CNNM2: variants seen among roughly 807,000 people sequenced by gnomAD.
CNNM2 encodes the protein metal transporter CNNM2.
CNNM2 carries 12 observed loss-of-function variants against 66.9 expected under a neutral mutation model. The ratio of observed to expected loss-of-function variants is 0.18; its 90% CI spans 0.11 to 0.29. The LOEUF (loss-of-function observed/expected upper bound fraction) is 0.29, where lower values mean the gene tolerates loss of function less well. Among genes scored for constraint, CNNM2 ranks in the 10% least tolerant of loss-of-function variants. CNNM2 has a pLI of 1.00. For synonymous variants in CNNM2, 557 were observed against 501.8 expected (o/e 1.11, Z -1.47); for missense variants, 705 against 1,167.7 (o/e 0.60, Z 5.77).
intron 1 of CNNM2, among the ~76,000 whole-genome samples, chr10:103,003,633 G>A (rs1398446206): frequency 6.6e-6 from 1 of 151,882 alleles, no homozygotes; most frequent in Admixed American, 6.6e-5. Context: ...AGACCAGCCT[G>A]GCTAACATGG....
chr10:103,076,055 T>G, intron 6 of CNNM2, 31 bp from the exon 7 acceptor site: 1 of 1,587,570 alleles, frequency 6.3e-7, no homozygotes, highest in Non-Finnish European at 8.6e-7. Flanking sequence ...CTACTTCACT[T>G]AAACAGTTGG....
At chr10:102,976,239 G>A (rs946266046) in intron 1 of CNNM2, among the ~76,000 whole-genome samples, 22 of 152,198 alleles carry the variant, frequency 1.4e-4, no homozygotes, top group Admixed American at 1.4e-3. Flanking sequence ...AGAAGAGAAA[G>A]CAAAGTGAAT....
Position 103,084,073 on chromosome 10 carries a change from C to T in CNNM2, c.*6893C>T, listed in dbSNP as rs2065781016. ...TCTTACCCTCATCACTCACATGAGA[C>T]CAGTCCCTGAAGAACTTACGGTGGA... On this transcript the variant is annotated 3_prime_UTR_variant, in exon 8 of 8. Transcript: ENST00000369878. 1 of 152,206 alleles carries T rather than the reference C, an allele frequency of 6.6e-6. No homozygotes were observed. Among genetic ancestry groups the T allele is most frequent in the South Asian group, 2.1e-4 (1 of 4,828 alleles). 9.4% of individuals were successfully genotyped at this position (152,206 alleles called of 1,614,324 possible).
rs1220041070 is a variant in CNNM2 at position 103,077,391 on chromosome 10, T to C, written c.*211T>C. On this transcript the variant is annotated 3_prime_UTR_variant, in exon 8 of 8. Transcript: ENST00000369878. ...AGATGTGAAGTTGGCAGCCGGGGCA[T>C]GGCGTTCAAGATTTTGGAGATGAAC... The C allele has an allele frequency of 1.9e-6, 1 of 534,440 alleles. No homozygotes were observed. The allele number at this position is 534,440 out of a possible 1,614,324, so 33.1% of individuals were successfully genotyped here.
chr10:103,067,255 A>C (rs931360923), intron 4 of CNNM2, among the ~76,000 whole-genome samples: 1 of 151,828 alleles, frequency 6.6e-6, no homozygotes, highest in African/African-American at 2.4e-5. Flanking sequence ...TTTTGTAGAG[A>C]TGGGGTCTTG....
intron 1 of CNNM2, among the ~76,000 whole-genome samples, chr10:102,972,543 A>G (rs2063561811): frequency 6.6e-6 from 1 of 152,202 alleles, no homozygotes; most frequent in Admixed American, 6.5e-5. Flanking sequence ...AGGCTGAGGC[A>G]GGAGAAGGCG....
In CNNM2 at chr10:102,960,210, C is replaced by T. The variant is rs17115287; in HGVS notation, c.1621+40109C>T. Among the ~76,000 whole-genome samples the T allele has an allele frequency of 0.015, 2,260 of 152,190 alleles. 57 individuals are homozygous for T. Among genetic ancestry groups the T allele is most frequent in the African/African-American group, 0.051 (2,103 of 41,524 alleles). On this transcript the variant is annotated intron_variant, in intron 1 of 7. Transcript: ENST00000369878. ...CCCAGGAAAAGTAGTTTTTGAAAAA[C>T]GCTGATTTTCTATTTGCACTTTATT...
rs751138227 is a variant in CNNM2, at chr10:102,941,338, G to T, written c.1621+21237G>T. ...GCCCAGGCTGGTCTTAAACAACTGG[G>T]CTCAAGTGATCTGCCCGCCTTGGCC... On this transcript the variant is annotated intron_variant, in intron 1 of 7. Coordinates refer to ENST00000369878, the MANE Select transcript of CNNM2 (RefSeq NM_017649.5). Among the ~76,000 whole-genome samples, 13 of 152,058 alleles carry T rather than the reference G, an allele frequency of 8.5e-5. No individual in the cohort carries two copies. In the South Asian group the frequency reaches 1.2e-3, roughly 15 times the overall value.
chr10:102,956,889 G>A (rs1446551548), intron 1 of CNNM2, among the ~76,000 whole-genome samples: 1 of 152,128 alleles, frequency 6.6e-6, no homozygotes, highest in East Asian at 1.9e-4. Flanking sequence ...TGTAAACGAC[G>A]AGTTAATGGG....
chr10:103,020,095 A>G (rs916763408), intron 1 of CNNM2, among the ~76,000 whole-genome samples: 11 of 151,012 alleles, frequency 7.3e-5, no homozygotes, highest in African/African-American at 1.7e-4. Flanking sequence ...ATTATAAAAT[A>G]TTTCTATATT....
intron 1 of CNNM2, among the ~76,000 whole-genome samples, chr10:102,964,280 G>A (rs2063427436): frequency 6.6e-6 from 1 of 151,368 alleles, no homozygotes; most frequent in East Asian, 1.9e-4. Flanking sequence ...CCAGGCTGGA[G>A]TGCAGTGGCA....
At chr10:103,011,247 G>T in intron 1 of CNNM2, among the ~76,000 whole-genome samples, 1 of 152,088 alleles carries the variant, frequency 6.6e-6, no homozygotes. Context: ...GAGGGCAGGA[G>T]TTCGAGACCA....
At chr10:103,051,054 G>GGC (rs953973384) in intron 2 of CNNM2, among the ~76,000 whole-genome samples, 5 of 152,134 alleles carry the variant, frequency 3.3e-5, no homozygotes, top group African/African-American at 4.8e-5. Flanking sequence ...AGCATGGCTT[G>GGC]GCGGAGGGGA....
chr10:102,942,713 C>G (rs769167853), intron 1 of CNNM2, among the ~76,000 whole-genome samples: 2 of 152,094 alleles, frequency 1.3e-5, no homozygotes, highest in Admixed American at 6.5e-5. Flanking sequence ...TAATTCTATT[C>G]TTAATTTTTT....
chr10:103,002,448 C>G (rs953564670), intron 1 of CNNM2, among the ~76,000 whole-genome samples: 1 of 150,128 alleles, frequency 6.7e-6, no homozygotes, highest in African/African-American at 2.4e-5. Flanking sequence ...CAAGCCTGGG[C>G]TGGCGAGGAT....
Position 103,054,284 on chromosome 10 carries a change from TG to T in CNNM2, c.1766-42del. ...TCATTCAAAAAGAGCCCTCATCTCA[TG>T]GGATGCATTTCTTTTTTTTTCTCTC... is the stretch of plus-strand genomic sequence containing the variant. On this transcript the variant is annotated intron_variant, in intron 2 of 7. Coordinates refer to ENST00000369878, the MANE Select transcript of CNNM2 (RefSeq NM_017649.5). The surrounding 1 kb of genome is among the most constrained non-coding windows in gnomAD (Gnocchi z 5.2). 6.3e-7 allele frequency: 1 copy of T among 1,598,726 alleles called. No individual in the cohort carries two copies.
chr10:102,955,614 C>G (rs1847004858), intron 1 of CNNM2, among the ~76,000 whole-genome samples: 1 of 151,932 alleles, frequency 6.6e-6, no homozygotes, highest in Admixed American at 6.6e-5. Context: ...AAAATTTTTG[C>G]AATCTACCCA....
Position 103,068,634 on chromosome 10 carries a change from A to G in CNNM2, c.2079A>G (p.Lys693=). 2 of 1,611,362 alleles carry G rather than the reference A, an allele frequency of 1.2e-6. No individual in the cohort carries two copies. The highest frequency in any genetic ancestry group is 1.7e-6 in the Non-Finnish European group (2 of 1,178,706). The change falls in exon 5 of 8, where the codon AAA becomes AAG. Residue 693 remains lysine, a synonymous_variant. Coordinates refer to ENST00000369878, the MANE Select transcript of CNNM2 (RefSeq NM_017649.5). ...VDYFVLILQG[K]VEVEAGKEGM... ...CCTGCCTTTTCTCTCCACAGGGGAA[A>G]GTGGAAGTTGAAGCTGGGAAAGAAG...
At chr10:103,069,422 G>A (rs1341563883) in intron 5 of CNNM2, among the ~76,000 whole-genome samples, 4 of 152,148 alleles carry the variant, frequency 2.6e-5, no homozygotes, top group Non-Finnish European at 4.4e-5. Flanking sequence ...TGTGAATTCC[G>A]GTTGCTCTGC....
Sources: allele counts gnomAD v4.1 joint callset (sites outside exome capture counted in the v4.1 genomes callset), GRCh38; gene constraint gnomAD v4.1.1; non-coding constraint Gnocchi (gnomAD v3.1); transcripts MANE v1.5; gene names NCBI Gene and HGNC (gene_info 2026-07-23, HGNC 2026-07-21).